SCN10A: variants seen among roughly 807,000 people sequenced by gnomAD.
SCN10A encodes the protein sodium channel protein type 10 subunit alpha.
SCN10A carries 162 observed loss-of-function variants against 170.7 expected under a neutral mutation model. That is an observed-to-expected ratio of 0.95 (90% CI 0.84 to 1.08). The LOEUF (loss-of-function observed/expected upper bound fraction) is 1.08. Ranked by LOEUF, SCN10A falls within the 50% of genes least tolerant of loss-of-function variation. The pLI is 0.00. For missense variants in SCN10A, 2,527 were observed against 2,436.9 expected, an observed-to-expected ratio of 1.04 and a Z score of -0.78; for synonymous variants, 985 against 904.6, an observed-to-expected ratio of 1.09 and a Z score of -1.59.
At chr3:38,704,945 G>A (rs1028402028) in intron 26 of SCN10A, among the ~76,000 whole-genome samples, 3 of 152,264 alleles carry the variant, frequency 2.0e-5, no homozygotes, top group Non-Finnish European at 4.4e-5. Flanking sequence ...TTAGTTGGGA[G>A]TGGGAATTTC....
At chr3:38,762,534 T>C (rs1191345136) in intron 6 of SCN10A, among the ~76,000 whole-genome samples, 1 of 152,020 alleles carries the variant, frequency 6.6e-6, no homozygotes, top group Non-Finnish European at 1.5e-5. Flanking sequence ...GTGTGGAGTA[T>C]TTGCAGAACC....
chr3:38,771,062 T>C (rs1342330233), intron 5 of SCN10A, among the ~76,000 whole-genome samples: 1 of 152,190 alleles, frequency 6.6e-6, no homozygotes, highest in Admixed American at 6.5e-5. Flanking sequence ...TTTTCACCTG[T>C]CTTGCAGAAT....
At chr3:38,808,848 G>A (rs2064422295) in intron 1 of SCN10A, among the ~76,000 whole-genome samples, 1 of 152,206 alleles carries the variant, frequency 6.6e-6, no homozygotes, top group Non-Finnish European at 1.5e-5. Flanking sequence ...TTAAGAAGGA[G>A]TCATTGGAAT....
intron 15 of SCN10A, among the ~76,000 whole-genome samples, chr3:38,735,631 A>G (rs761616081): frequency 1.3e-5 from 2 of 152,234 alleles, no homozygotes; most frequent in Non-Finnish European, 2.9e-5. Context: ...CTTGAAGTAA[A>G]TTAGGTGGAT....
intron 1 of SCN10A, 61 bp from the exon 2 acceptor site, chr3:38,794,103 CATCTGTCCCATCTTG>C: frequency 9.0e-7 from 1 of 1,117,318 alleles, no homozygotes; most frequent in Non-Finnish European, 1.3e-6. Flanking sequence ...CTGTCCCTCT[CATCTGTCCCATCTTG>C]ATTGTCAGAA....
intron 6 of SCN10A, among the ~76,000 whole-genome samples, chr3:38,761,613 T>C (rs1182547319): frequency 2.6e-5 from 4 of 152,164 alleles, no homozygotes; most frequent in Non-Finnish European, 4.4e-5. Context: ...ACCCAGGCAA[T>C]GCATTTTTTA....
rs540289986 is a variant in SCN10A at position 38,794,012 on chromosome 3, T to C, written c.-2A>G. On this transcript the variant is annotated 5_prime_UTR_variant, in exon 2 of 28. Coordinates refer to ENST00000449082, the MANE Select transcript of SCN10A (RefSeq NM_006514.4). ...GAGGGATCCAATGGGGAATTCCATC[T>C]TCTCATTCTTCTTCAGGAAGTATTT... 22 of 1,613,284 alleles carry C rather than the reference T, an allele frequency of 1.4e-5. 1 individual carries two copies. In the South Asian group the frequency reaches 2.3e-4, roughly 17 times the overall value.
Position 38,755,738 on chromosome 3 carries a change from G to A in SCN10A, c.1461+50C>T, listed in dbSNP as rs376163268. The A allele has an allele frequency of 4.2e-5, 68 of 1,602,322 alleles. No homozygotes were observed. The African/African-American group carries it at 5.1e-4, about 12-fold the overall frequency. On this transcript the variant is annotated intron_variant, in intron 11 of 27. Coordinates refer to ENST00000449082, the MANE Select transcript of SCN10A (RefSeq NM_006514.4). ...CTTCCCACTCCAACTCATTGTCTAC[G>A]GCAGCTGCAATGGTGGGTAATCTTT... is the stretch of plus-strand genomic sequence containing the variant.
At chr3:38,756,185 G>A (rs1417929353) in intron 10 of SCN10A, among the ~76,000 whole-genome samples, 2 of 152,152 alleles carry the variant, frequency 1.3e-5, no homozygotes, top group African/African-American at 2.4e-5. Flanking sequence ...CCTTTCACCA[G>A]GTCAGCACAG....
intron 1 of SCN10A, among the ~76,000 whole-genome samples, chr3:38,801,961 A>G (rs2064373784): frequency 1.3e-5 from 2 of 152,150 alleles, no homozygotes; most frequent in Admixed American, 1.3e-4. Flanking sequence ...TTAATGCTCC[A>G]TAAACACCTC....
intron 1 of SCN10A, among the ~76,000 whole-genome samples, chr3:38,801,263 T>C (rs1271011406): frequency 6.6e-6 from 1 of 152,176 alleles, no homozygotes; most frequent in Non-Finnish European, 1.5e-5. Context: ...AAATCCTCGA[T>C]TCACAACAGT....
intron 10 of SCN10A, among the ~76,000 whole-genome samples, chr3:38,756,205 G>A (rs1032843345): frequency 1.3e-5 from 2 of 152,158 alleles, no homozygotes; most frequent in African/African-American, 4.8e-5. Context: ...GCTATCCCGA[G>A]CTGCTTGCAT....
Position 38,728,702 on chromosome 3 carries a change from C to G in SCN10A, c.2480G>C (p.Trp827Ser). The change falls in exon 16 of 28, where the codon TGG becomes TCG. Residue 827 changes from tryptophan (W) to serine (S), a missense_variant. Coordinates refer to ENST00000449082, the MANE Select transcript of SCN10A (RefSeq NM_006514.4). The stretch of plus-strand genomic sequence containing the variant: ...GAAGTCGTGCATGTGCCAGCGGGGC[C>G]AGTCTTCATGGGGCGCGGAGATATT... ...RKNISAPHED[W>S]PRWHMHDFFH... 5.6e-6 allele frequency: 9 copies of G among 1,614,160 alleles called. No individual in the cohort carries two copies. The highest frequency in any genetic ancestry group is 7.6e-6 in the Non-Finnish European group (9 of 1,180,018).
At chr3:38,812,558 G>T (rs2064447918) in intron 1 of SCN10A, among the ~76,000 whole-genome samples, 1 of 152,072 alleles carries the variant, frequency 6.6e-6, no homozygotes. Flanking sequence ...CTACCCCCAA[G>T]ACAAAGATGT....
rs142203439 is a variant in SCN10A, at chr3:38,771,336, T to C, written c.542A>G (p.Glu181Gly). ...KILARGFCLNEFTYLRDPWNW... is the reference protein window; with the variant it reads ...KILARGFCLNGFTYLRDPWNW... ...CCAAGGATCTCTCAGGTACGTGAAC[T>C]CATTTAGACAAAATCCTCTTGCCAG... The change falls in exon 5 of 28, where the codon GAG becomes GGG. Residue 181 changes from glutamate to glycine, a missense_variant. Glu to Gly is a moderately conservative substitution (Grantham distance 98). Transcript: ENST00000449082. 14 of 1,614,034 alleles carry C rather than the reference T, an allele frequency of 8.7e-6. No individual in the cohort carries two copies. In the African/African-American group the frequency reaches 1.6e-4, roughly 18 times the overall value.
chr3:38,717,267 A>C (rs1383968519), intron 21 of SCN10A, among the ~76,000 whole-genome samples: 1 of 152,154 alleles, frequency 6.6e-6, no homozygotes, highest in East Asian at 1.9e-4. Flanking sequence ...GGAAGGAAAA[A>C]GGAAGACTGA....
chr3:38,794,792 T>C (rs2064327971), intron 1 of SCN10A, among the ~76,000 whole-genome samples: 1 of 152,174 alleles, frequency 6.6e-6, no homozygotes, highest in Non-Finnish European at 1.5e-5. Flanking sequence ...GTCTGAGGTT[T>C]CAAATACACT....
At position 38,698,493 on chromosome 3, in the gene SCN10A, C is replaced by T. The variant is rs777606824; in HGVS notation, c.4727G>A (p.Arg1576His). 26 of 1,614,090 alleles carry T rather than the reference C, an allele frequency of 1.6e-5. No homozygotes were observed. The highest frequency in any genetic ancestry group is 1.1e-4 in the East Asian group (5 of 44,870). ...GAGGATGCGGCCAATTCGGGCCAGGCGGATGACTCTGAAGAGCGTTGGGGA... is the reference window on the plus strand; with the variant it reads ...GAGGATGCGGCCAATTCGGGCCAGGTGGATGACTCTGAAGAGCGTTGGGGA... The part of the protein sequence containing the change: ...YFSPTLFRVI[R>H]LARIGRILRL... Residue 1576 changes from arginine to histidine, a missense_variant, in exon 28 of 28, where the codon CGC becomes CAC. Arg to His is a conservative substitution (Grantham distance 29, BLOSUM62 0). Transcript: ENST00000449082.
chr3:38,755,167 G>A lies in SCN10A; in HGVS notation c.1461+621C>T, dbSNP rs1489788331. ...GGAAACTTTTCTGATAACAACAGGT[G>A]ACAGCTTGAATTGCAGGACCTTAGG... On this transcript the variant is annotated intron_variant, in intron 11 of 27. Transcript: ENST00000449082. Among the ~76,000 whole-genome samples the A allele has an allele frequency of 2.0e-5, 3 of 151,884 alleles. No individual in the cohort carries two copies. In the East Asian group the frequency reaches 5.8e-4, roughly 29 times the overall value.
Sources: allele counts gnomAD v4.1 joint callset (sites outside exome capture counted in the v4.1 genomes callset), GRCh38; gene constraint gnomAD v4.1.1; transcripts MANE v1.5; gene names NCBI Gene and HGNC (gene_info 2026-07-23, HGNC 2026-07-21).